TBX3: variants seen among roughly 807,000 people sequenced by gnomAD.
The protein encoded by TBX3 is T-box transcription factor 3.
A neutral mutation model predicts 47.8 loss-of-function variants in TBX3; 11 were observed. The observed-to-expected ratio is 0.23, with a 90% CI of 0.14 to 0.38. The LOEUF (loss-of-function observed/expected upper bound fraction) is 0.38. TBX3 is among the 10% of genes least tolerant of loss of function. The pLI is 1.00. For synonymous variants in TBX3, 500 were observed against 449.3 expected (o/e 1.11, Z -1.43); for missense variants, 927 against 1,022.8 (o/e 0.91, Z 1.28).
intron 1 of TBX3, 30 bp downstream of exon 1, chr12:114,682,782 A>G: frequency 1.2e-6 from 2 of 1,614,030 alleles, no homozygotes; most frequent in Non-Finnish European, 1.7e-6. Flanking sequence ...ACTCTCCAAC[A>G]GCTTAGGGGA....
Position 114,682,988 on chromosome 12 carries a change from C to T in TBX3, c.213G>A (p.Ala71=). 1.9e-6 allele frequency: 3 copies of T among 1,614,060 alleles called. No homozygotes were observed. The highest frequency in any genetic ancestry group is 2.5e-6 in the Non-Finnish European group (3 of 1,180,006). Residue 71 remains alanine, a synonymous_variant, in exon 1 of 7, where the codon GCG becomes GCA. Coordinates refer to ENST00000349155, the MANE Select transcript of TBX3 (RefSeq NM_005996.4). ...AKPIMDQLVG[A]AETGIPFSSL... The stretch of plus-strand genomic sequence containing the variant: ...AGGAGAACGGGATGCCGGTCTCGGC[C>T]GCCCCCACCAATTGATCCATGATCG...
chr12:114,675,680 C>T (rs1343562440), intron 5 of TBX3, among the ~76,000 whole-genome samples: 1 of 146,088 alleles, frequency 6.8e-6, no homozygotes, highest in African/African-American at 2.5e-5. Flanking sequence ...GTGTGTCTTT[C>T]CAAATAAATA....
In TBX3 at chr12:114,672,180, C is replaced by G. The variant is rs1330862517; in HGVS notation, c.1833G>C (p.Leu611=). 2 of 1,572,554 alleles carry G rather than the reference C, an allele frequency of 1.3e-6. No homozygotes were observed. The highest frequency in any genetic ancestry group is 2.7e-5 in the African/African-American group (2 of 74,094). The change falls in exon 7 of 7, where the codon CTG becomes CTC. Residue 611 remains leucine (L), a synonymous_variant. Coordinates refer to ENST00000349155, the MANE Select transcript of TBX3 (RefSeq NM_005996.4). ...AGCGCAGCCGCGGGCGCATGGTGTTCAGATTGAGGAAGGGGTGGCGGTGCA... is the reference window on the plus strand; with the variant it reads ...AGCGCAGCCGCGGGCGCATGGTGTTGAGATTGAGGAAGGGGTGGCGGTGCA... ...SSVHRHPFLN[L]NTMRPRLRYS...
chr12:114,672,306 G>C lies in TBX3; in HGVS notation c.1711-4C>G. On this transcript the variant is annotated splice_region_variant and splice_polypyrimidine_tract_variant and intron_variant, in intron 6 of 6. Coordinates refer to ENST00000349155, the MANE Select transcript of TBX3 (RefSeq NM_005996.4). ...CGAAAGGGGACATGGCCAGGCCCTG[G>C]GGTGAGAAAAGAGACACACAGCGAG... The C allele has an allele frequency of 5.2e-6, 8 of 1,541,042 alleles. No homozygotes were observed. Among genetic ancestry groups the C allele is most frequent in the Non-Finnish European group, 6.1e-6 (7 of 1,146,542 alleles).
intron 4 of TBX3, 26 bp downstream of exon 4, chr12:114,677,554 T>A: frequency 6.2e-7 from 1 of 1,611,014 alleles, no homozygotes; most frequent in Non-Finnish European, 8.5e-7. Context: ...TTCTAAACTA[T>A]CTAATAAATA....
chr12:114,679,534 T>A lies in TBX3; in HGVS notation c.775A>T (p.Ile259Phe). Reference sequence around the variant, plus strand: ...TCATTCTGGTATGCAGTCACAGCGATGAATTCAGTTTCGGGGAACAAGTAT... The same window carrying A: ...TCATTCTGGTATGCAGTCACAGCGAAGAATTCAGTTTCGGGGAACAAGTAT... ...RTYLFPETEF[I>F]AVTAYQNDKI... The change falls in exon 3 of 7, where the codon ATC (isoleucine) becomes TTC (phenylalanine). Residue 259 changes from isoleucine (I) to phenylalanine (F), a missense_variant. Transcript: ENST00000349155. The A allele has an allele frequency of 6.2e-7, 1 of 1,614,232 alleles. No individual in the cohort carries two copies. Among genetic ancestry groups the A allele is most frequent in the Non-Finnish European group, 8.5e-7 (1 of 1,180,044 alleles).
At chr12:114,679,774 A>C (rs1381019877) in intron 2 of TBX3, 123 bp from the exon 3 acceptor site, 1 of 1,539,496 alleles carries the variant, frequency 6.5e-7, no homozygotes, top group East Asian at 2.3e-5. Flanking sequence ...TACCGAGCCC[A>C]CCTCCTTGGA....
In TBX3 at chr12:114,674,366, G is replaced by T. The variant is rs1394460148; in HGVS notation, c.1509C>A (p.Ser503Arg). ...FNGHPLFLHP[S>R]QFAMGGAFSS... ...AGAAGGCGCCCCCCATGGCAAACTG[G>T]CTGGGGTGCAGGAAGAGCGGGTGCC... is the stretch of plus-strand genomic sequence containing the variant. The change falls in exon 6 of 7, where the codon AGC becomes AGA. Residue 503 changes from serine (S) to arginine (R), a missense_variant. Ser to Arg is a moderately radical substitution (Grantham distance 110). Around this residue, in one of 5 missense-constraint regions of TBX3, gnomAD observed 623 missense variants for 569.0 expected, o/e 1.09. Coordinates refer to ENST00000349155, the MANE Select transcript of TBX3 (RefSeq NM_005996.4). The T allele has an allele frequency of 6.4e-7, 1 of 1,555,180 alleles. No homozygotes were observed. Among genetic ancestry groups the T allele is most frequent in the Admixed American group, 1.9e-5 (1 of 51,664 alleles).
intron 6 of TBX3, 148 bp downstream of exon 6, chr12:114,674,017 A>C: frequency 9.0e-7 from 1 of 1,109,856 alleles, no homozygotes; most frequent in Non-Finnish European, 1.3e-6. Flanking sequence ...TAATAACTCC[A>C]TGAGCTAAGC....
chr12:114,680,142 G>T, intron 2 of TBX3: 1 of 694,842 alleles, frequency 1.4e-6, no homozygotes, highest in Non-Finnish European at 2.5e-6. Context: ...CCTGCCCGCT[G>T]AAGATATTTC....
Position 114,674,739 on chromosome 12 carries a change from G to T in TBX3, c.1136C>A (p.Thr379Lys). ...ACDAAKISTTTSEEPCRDKGS... is the reference protein window; with the variant it reads ...ACDAAKISTTKSEEPCRDKGS... ...CTTGTCACGGCAGGGCTCCTCCGAC[G>T]TGGTGGTGGAGATCTTGGCCGCGTC... Residue 379 changes from threonine (T) to lysine (K), a missense_variant, in exon 6 of 7, where the codon ACG becomes AAG. Around this residue, in one of 5 missense-constraint regions of TBX3, gnomAD observed 623 missense variants for 569.0 expected, o/e 1.09. Transcript: ENST00000349155. 6.3e-7 allele frequency: 1 copy of T among 1,596,596 alleles called. No homozygotes were observed.
At chr12:114,677,874 T>A (rs1868773651) in intron 3 of TBX3, among the ~76,000 whole-genome samples, 1 of 152,166 alleles carries the variant, frequency 6.6e-6, no homozygotes, top group African/African-American at 2.4e-5. Context: ...TCAAAGAAAT[T>A]CTTTTCTTTG....
At chr12:114,681,543 G>A (rs183040337) in intron 1 of TBX3, among the ~76,000 whole-genome samples, 8 of 152,252 alleles carry the variant, frequency 5.3e-5, no homozygotes, top group Admixed American at 3.3e-4. Flanking sequence ...TTTGTAAAGC[G>A]CGGTCAGTTA....
In TBX3 at chr12:114,679,550, G is replaced by A. The variant is rs1868841307; in HGVS notation, c.759C>T (p.Phe253=). Residue 253 remains phenylalanine, a synonymous_variant, in exon 3 of 7, where the codon TTC becomes TTT. Transcript: ENST00000349155. ...TCACAGCGATGAATTCAGTTTCGGGGAACAAGTATGTCCGAAATGTACTAT... is the reference window on the plus strand; with the variant it reads ...TCACAGCGATGAATTCAGTTTCGGGAAACAAGTATGTCCGAAATGTACTAT... ...LPYSTFRTYL[F]PETEFIAVTA... is the part of the protein sequence containing the mutation. 7 of 1,614,054 alleles carry A rather than the reference G, an allele frequency of 4.3e-6. No homozygotes were observed. Among genetic ancestry groups the A allele is most frequent in the Admixed American group, 1.7e-5 (1 of 60,008 alleles).
At position 114,684,074 on chromosome 12, in the gene TBX3, GA is replaced by G; in HGVS notation, c.-875del. ...AACAGAGGGAAAGAGAGGGAGGGGA[GA>G]GAGAGAGAGAGAGAGAGAGACGGAG... On this transcript the variant is annotated 5_prime_UTR_variant, in exon 1 of 7. Coordinates refer to ENST00000349155, the MANE Select transcript of TBX3 (RefSeq NM_005996.4). The G allele has an allele frequency of 4.6e-6, 1 of 219,610 alleles. No individual in the cohort carries two copies. Among genetic ancestry groups the G allele is most frequent in the Non-Finnish European group, 8.9e-6 (1 of 111,968 alleles). The allele number at this position is 219,610 out of a possible 1,614,324, so 13.6% of individuals were successfully genotyped here.
intron 4 of TBX3, among the ~76,000 whole-genome samples, 168 bp from the exon 5 acceptor site, chr12:114,676,638 A>G (rs1043130755): frequency 2.0e-5 from 3 of 152,210 alleles, no homozygotes; most frequent in African/African-American, 7.2e-5. Context: ...ACATAGACCC[A>G]AGCTTTGTCC....
chr12:114,673,774 C>A (rs1018575515), intron 6 of TBX3, among the ~76,000 whole-genome samples: 4 of 152,196 alleles, frequency 2.6e-5, no homozygotes, highest in Admixed American at 2.6e-4. Context: ...TTGGACAAGT[C>A]ACTCAACATC....
Position 114,674,822 on chromosome 12 carries a change from G to A in TBX3, c.1053C>T (p.Ser351=), listed in dbSNP as rs899268368. 4 of 1,572,578 alleles carry A rather than the reference G, an allele frequency of 2.5e-6. No homozygotes were observed. Among genetic ancestry groups the A allele is most frequent in the Non-Finnish European group, 3.4e-6 (4 of 1,165,492 alleles). Residue 351 remains serine (S), a synonymous_variant, in exon 6 of 7, where the codon AGC becomes AGT. Transcript: ENST00000349155. ...GTSNLKDLCP[S]EGESDAEAES... is the part of the protein sequence containing the mutation. Reference sequence around the variant, plus strand: ...CGGCCTCGGCGTCGCTCTCACCCTCGCTGGGACATAAATCTACCACAGGCG... The same window carrying A: ...CGGCCTCGGCGTCGCTCTCACCCTCACTGGGACATAAATCTACCACAGGCG...
rs150286184 is a variant in TBX3, at chr12:114,671,829, T to C, written c.*12A>G. 2.6e-6 allele frequency: 4 copies of C among 1,551,964 alleles called. No homozygotes were observed. The highest frequency in any genetic ancestry group is 3.5e-6 in the Non-Finnish European group (4 of 1,148,198). On this transcript the variant is annotated 3_prime_UTR_variant, in exon 7 of 7. Transcript: ENST00000349155. ...AACTGGACTGGAATGAAAAGACGTG[T>C]CTGGGACGGGTCTACGGGGACGCGC...
Sources: gnomAD v4.1 joint callset for allele counts (sites outside exome capture counted in the v4.1 genomes callset) on GRCh38, gnomAD v4.1.1 for gene constraint, gnomAD v4.1.1 regional missense constraint, MANE v1.5 for transcripts, NCBI Gene and HGNC (gene_info 2026-07-23, HGNC 2026-07-21) for gene names.